CLYBL: variants seen among roughly 807,000 people sequenced by gnomAD.
CLYBL encodes citramalyl-CoA lyase, mitochondrial.
A neutral mutation model predicts 38.9 loss-of-function variants in CLYBL; 31 were observed. That is an observed-to-expected ratio of 0.80 (90% CI 0.60 to 1.08). The LOEUF is 1.08. CLYBL is among the 50% of genes least tolerant of loss of function. The pLI is 0.00. For missense variants in CLYBL, 434 were observed against 411.6 expected (o/e 1.05, Z -0.47); for synonymous variants, 171 against 158.6 (o/e 1.08, Z -0.59).
intron 1 of CLYBL, among the ~76,000 whole-genome samples, chr13:99,705,605 G>A (rs764097719): frequency 6.6e-6 from 1 of 151,936 alleles, no homozygotes; most frequent in Non-Finnish European, 1.5e-5. Flanking sequence ...TCTGATACCT[G>A]CTATAACACA....
intron 2 of CLYBL, among the ~76,000 whole-genome samples, chr13:99,798,583 A>G (rs1433654655): frequency 6.6e-6 from 1 of 152,240 alleles, no homozygotes; most frequent in Non-Finnish European, 1.5e-5. Flanking sequence ...GATGTAAAAG[A>G]GAGTATTAAT....
chr13:99,763,776 A>G (rs1235941123), intron 1 of CLYBL, among the ~76,000 whole-genome samples: 2 of 151,952 alleles, frequency 1.3e-5, no homozygotes, highest in Non-Finnish European at 2.9e-5. Flanking sequence ...GTTGGTCTCA[A>G]ACTCCCGACC....
chr13:99,881,751 C>T (rs551828906), intron 7 of CLYBL, among the ~76,000 whole-genome samples: 122 of 152,268 alleles, frequency 8.0e-4, no homozygotes, highest in Non-Finnish European at 1.3e-3. Context: ...GATGTTTATC[C>T]ATAAAACAAA....
chr13:99,799,261 T>C (rs1191327111), intron 2 of CLYBL, among the ~76,000 whole-genome samples: 1 of 152,152 alleles, frequency 6.6e-6, no homozygotes, highest in Non-Finnish European at 1.5e-5. Context: ...TTAATTTTTA[T>C]AGTCCTATTC....
At chr13:99,836,478 G>A (rs1467263668) in intron 2 of CLYBL, among the ~76,000 whole-genome samples, 1 of 152,154 alleles carries the variant, frequency 6.6e-6, no homozygotes, top group African/African-American at 2.4e-5. Context: ...GAGGAAATAG[G>A]CCCGCACCAA....
At chr13:99,670,523 A>G (rs1786284069) in intron 1 of CLYBL, among the ~76,000 whole-genome samples, 1 of 152,172 alleles carries the variant, frequency 6.6e-6, no homozygotes, top group Admixed American at 6.5e-5. Context: ...ACAGGCATCT[A>G]CTGGCCTGTT....
intron 2 of CLYBL, among the ~76,000 whole-genome samples, chr13:99,786,392 A>G (rs994535534): frequency 1.3e-5 from 2 of 151,746 alleles, no homozygotes; most frequent in Non-Finnish European, 2.9e-5. Flanking sequence ...GTGTGTGATG[A>G]TCCCCTTCCT....
chr13:99,849,093 C>G lies in CLYBL; in HGVS notation c.250-9768C>G, dbSNP rs1001179487. ...GGTGGAGGCTGCAGTGAGCCGAGAT[C>G]GTGCCATTACACTCCAGCCTAAGAG... On this transcript the variant is annotated intron_variant, in intron 2 of 8. Coordinates refer to ENST00000339105, the MANE Select transcript of CLYBL (RefSeq NM_206808.5). This position sits in a 1 kb window ranked among gnomAD's most constrained non-coding sequence, Gnocchi z 4.9. 1.3e-5 allele frequency among the ~76,000 whole-genome samples: 2 copies of G among 151,168 alleles called. No individual in the cohort carries two copies. The highest frequency in any genetic ancestry group is 3.2e-3 in the Middle Eastern group (1 of 316).
At chr13:99,881,283 A>T (rs777429718) in intron 7 of CLYBL, among the ~76,000 whole-genome samples, 98 of 152,240 alleles carry the variant, frequency 6.4e-4, no homozygotes, top group Non-Finnish European at 1.2e-3. Context: ...TGGCAATAGG[A>T]ACGAATGGCT....
chr13:99,845,640 A>C (rs1341155622), intron 2 of CLYBL, among the ~76,000 whole-genome samples: 1 of 150,010 alleles, frequency 6.7e-6, no homozygotes, highest in African/African-American at 2.4e-5. Context: ...TTTGTGAGCT[A>C]GGTGACATGA....
Position 99,862,999 on chromosome 13 carries a change from CAAATTT to C in CLYBL, c.448_453del (p.Lys150_Phe151del). ...GACACTTCTGATTTTAGTTTGCAGA[CAAATTT>C]TCATTCCACTTAAAAGGCCGAAAAC... On this transcript the variant is annotated inframe_deletion, in exon 4 of 9. Coordinates refer to ENST00000339105, the MANE Select transcript of CLYBL (RefSeq NM_206808.5). 6.2e-7 allele frequency: 1 copy of C among 1,604,624 alleles called. No homozygotes were observed. Among genetic ancestry groups the C allele is most frequent in the Non-Finnish European group, 8.5e-7 (1 of 1,174,032 alleles).
At chr13:99,779,823 T>C (rs2049602135) in intron 2 of CLYBL, among the ~76,000 whole-genome samples, 1 of 152,192 alleles carries the variant, frequency 6.6e-6, no homozygotes. Context: ...AGCTCTAGCG[T>C]AGTGACATGG....
intron 2 of CLYBL, among the ~76,000 whole-genome samples, chr13:99,836,238 G>A (rs546709988): frequency 3.4e-4 from 52 of 152,240 alleles, no homozygotes; most frequent in Non-Finnish European, 5.6e-4. Context: ...TTGGTGAGGC[G>A]AAGGAGGACA....
At position 99,748,082 on chromosome 13, in the gene CLYBL, T is replaced by C. The variant is rs535327070; in HGVS notation, c.63-24742T>C. 5.3e-5 allele frequency among the ~76,000 whole-genome samples: 8 copies of C among 152,252 alleles called. No individual in the cohort carries two copies. In the East Asian group the frequency reaches 1.6e-3, roughly 30 times the overall value. The stretch of plus-strand genomic sequence containing the variant: ...CTTCCCGAACTGAAACTATACCCAT[T>C]AGACAAAAACTCCAATTCTCTGCTG... On this transcript the variant is annotated intron_variant, in intron 1 of 8. Coordinates refer to ENST00000339105, the MANE Select transcript of CLYBL (RefSeq NM_206808.5).
chr13:99,864,941 CTGTGTG>C (rs3831038), intron 5 of CLYBL, 30 bp downstream of exon 5: 3 of 1,355,760 alleles, frequency 2.2e-6, no homozygotes, highest in Non-Finnish European at 1.0e-6. Flanking sequence ...CTCTCTTTTT[CTGTGTG>C]TGTGTGTGTA....
In CLYBL at chr13:99,644,020, A is replaced by C. The variant is rs935411708; in HGVS notation, c.62+37263A>C. Among the ~76,000 whole-genome samples the C allele has an allele frequency of 9.9e-5, 15 of 151,908 alleles. No homozygotes were observed. The East Asian group carries it at 2.5e-3, about 25-fold the overall frequency. On this transcript the variant is annotated intron_variant, in intron 1 of 8. Transcript: ENST00000339105. ...ACTCTGTCTCAAAAAAAAAAAAAAA[A>C]AAAAAAGAACTGTAACATAATAGGA...
intron 2 of CLYBL, among the ~76,000 whole-genome samples, chr13:99,774,027 T>C (rs1283887362): frequency 6.6e-6 from 1 of 151,520 alleles, no homozygotes; most frequent in Admixed American, 6.6e-5. Context: ...CTCAGGAGTT[T>C]GAGACCAGTC....
Position 99,743,966 on chromosome 13 carries a change from CTTTTTTT to C in CLYBL, c.63-28840_63-28834del, listed in dbSNP as rs1162079530. On this transcript the variant is annotated intron_variant, in intron 1 of 8. Coordinates refer to ENST00000339105, the MANE Select transcript of CLYBL (RefSeq NM_206808.5). ...CACTTTCTTTTTTTTTCTCTTCTTTCTTTTTTTTTTTTTTTTTTTTTTTTGAGACGGA... is the reference window on the plus strand; with the variant it reads ...CACTTTCTTTTTTTTTCTCTTCTTTCTTTTTTTTTTTTTTTTTGAGACGGA... Among the ~76,000 whole-genome samples, 24 of 69,178 alleles carry C rather than the reference CTTTTTTT, an allele frequency of 3.5e-4. No homozygotes were observed. The South Asian group carries it at 3.5e-3, about 10-fold the overall frequency. 45.4% of individuals were successfully genotyped at this position (69,178 alleles called of 152,430 possible). A position where few individuals can be genotyped will look rare whatever the true frequency, so the allele number is the denominator to read the frequency against.
chr13:99,614,897 CTGAG>C (rs2139183599), intron 1 of CLYBL, among the ~76,000 whole-genome samples: 1 of 152,286 alleles, frequency 6.6e-6, no homozygotes, highest in East Asian at 1.9e-4. Flanking sequence ...CCCGACTCAA[CTGAG>C]TAACTGTGGC....
Sources: gnomAD v4.1 joint callset for allele counts (sites outside exome capture counted in the v4.1 genomes callset) on GRCh38, gnomAD v4.1.1 for gene constraint, Gnocchi (gnomAD v3.1) non-coding constraint, MANE v1.5 for transcripts, NCBI Gene and HGNC (gene_info 2026-07-23, HGNC 2026-07-21) for gene names.